TCF20: variants seen among roughly 807,000 people sequenced by gnomAD.
TCF20 encodes SPRE-binding protein.
TCF20 carries 3 observed loss-of-function variants against 148.6 expected under a neutral mutation model. The ratio of observed to expected loss-of-function variants is 0.02; its 90% CI spans 0.01 to 0.05. TCF20 has a LOEUF of 0.05. TCF20 is among the 10% of genes least tolerant of loss of function. The pLI, the probability that TCF20 is intolerant of heterozygous loss-of-function variation, is 1.00. For synonymous variants in TCF20, 1,049 were observed against 909.5 expected (o/e 1.15, Z -2.76); for missense variants, 2,350 against 2,429.3 (o/e 0.97, Z 0.69).
chr22:42,298,523 G>C (rs1927275262), intron 1 of TCF20, among the ~76,000 whole-genome samples: 1 of 152,254 alleles, frequency 6.6e-6, no homozygotes, highest in Non-Finnish European at 1.5e-5. Flanking sequence ...ATCCTGCCCA[G>C]AACCCCGAAG....
At chr22:42,182,622 AT>A in intron 2 of TCF20, among the ~76,000 whole-genome samples, 1 of 152,374 alleles carries the variant, frequency 6.6e-6, no homozygotes, top group African/African-American at 2.4e-5. Context: ...CTCAGGCTGT[AT>A]TAGGGACTTA....
chr22:42,197,693 C>T lies in TCF20; in HGVS notation c.5655+11958G>A, dbSNP rs115095820. On this transcript the variant is annotated intron_variant, in intron 2 of 5. Transcript: ENST00000677622. The stretch of plus-strand genomic sequence containing the variant: ...CACCCCTGAAGAAAGGAGTTCCATA[C>T]ATCTCAATTTTCCAGAGAAGTGATT... Among the ~76,000 whole-genome samples, 644 of 152,296 alleles carry T rather than the reference C, an allele frequency of 4.2e-3. 11 individuals are homozygous for T. The highest frequency in any genetic ancestry group is 0.015 in the African/African-American group (622 of 41,564).
At chr22:42,336,270 C>A (rs73433584) in intron 1 of TCF20, among the ~76,000 whole-genome samples, 1 of 152,048 alleles carries the variant, frequency 6.6e-6, no homozygotes, top group Non-Finnish European at 1.5e-5. Flanking sequence ...TGGCATGGCT[C>A]GGGTAGCTAG....
chr22:42,269,663 T>C (rs1926484950), intron 1 of TCF20: 1 of 152,404 alleles, frequency 6.6e-6, no homozygotes, highest in Non-Finnish European at 1.5e-5. Flanking sequence ...CCCGCCCTGT[T>C]CCCCGCGGCG....
At chr22:42,258,763 C>A (rs1925876324) in intron 1 of TCF20, among the ~76,000 whole-genome samples, 1 of 152,042 alleles carries the variant, frequency 6.6e-6, no homozygotes, top group Admixed American at 6.6e-5. Context: ...CAAGGCTAGG[C>A]TAGGTTATGA....
rs895947922 is a variant in TCF20, at chr22:42,322,423, C to T, written c.-37+21056G>A. 2.6e-5 allele frequency among the ~76,000 whole-genome samples: 4 copies of T among 151,812 alleles called. No homozygotes were observed. The South Asian group carries it at 8.3e-4, about 32-fold the overall frequency. ...GGGGGTCTGCTGGAAGTTGTCAGAG[C>T]CACAGACAGGGCCCTTCCTCGAGAT... On this transcript the variant is annotated intron_variant, in intron 1 of 1. Coordinates refer to the TCF20 transcript ENST00000515426.
chr22:42,189,716 T>TC (rs1195251616), intron 2 of TCF20, among the ~76,000 whole-genome samples: 8 of 152,366 alleles, frequency 5.3e-5, no homozygotes, highest in East Asian at 3.9e-4. Context: ...AAGCTTTTTT[T>TC]CCGTATCATT....
rs558339433 is a variant in TCF20, at chr22:42,195,713, T to G, written c.5655+13938A>C. Among the ~76,000 whole-genome samples, 4 of 152,106 alleles carry G rather than the reference T, an allele frequency of 2.6e-5. No individual in the cohort carries two copies. In the East Asian group the frequency reaches 7.7e-4, roughly 29 times the overall value. The stretch of plus-strand genomic sequence containing the variant: ...TGGGGTTTCCCCACGTTGGCCAGGC[T>G]AGTCTCAAACTCCTGACCTCAGGTG... On this transcript the variant is annotated intron_variant, in intron 2 of 5. Coordinates refer to ENST00000677622, the MANE Select transcript of TCF20 (RefSeq NM_001378418.1).
At chr22:42,245,272 C>T (rs1460848213) in intron 1 of TCF20, among the ~76,000 whole-genome samples, 3 of 151,860 alleles carry the variant, frequency 2.0e-5, no homozygotes, top group African/African-American at 7.3e-5. Flanking sequence ...TTTGTAGAGA[C>T]GAGGTCTCAC....
At chr22:42,234,498 G>A (rs534711041) in intron 1 of TCF20, among the ~76,000 whole-genome samples, 1 of 152,178 alleles carries the variant, frequency 6.6e-6, no homozygotes, top group Admixed American at 6.5e-5. Flanking sequence ...ATGAACACAG[G>A]AGTTAGGAGG....
intron 1 of TCF20, among the ~76,000 whole-genome samples, chr22:42,268,621 A>G (rs1220144120): frequency 2.0e-5 from 3 of 152,282 alleles, no homozygotes; most frequent in African/African-American, 7.2e-5. Context: ...CTGCGTAGAA[A>G]GATCTTGGAA....
chr22:42,267,847 A>G (rs1179363020), intron 1 of TCF20, among the ~76,000 whole-genome samples: 1 of 152,150 alleles, frequency 6.6e-6, no homozygotes, highest in Non-Finnish European at 1.5e-5. Flanking sequence ...AAAGAGACTG[A>G]ATCAAAAAGT....
At chr22:42,270,885 C>T (rs908037759), upstream of TCF20, among the ~76,000 whole-genome samples, 12 of 151,318 alleles carry the variant, frequency 7.9e-5, no homozygotes, top group Non-Finnish European at 1.3e-4. Flanking sequence ...TCCTCTGCGG[C>T]CGCTGGGCGC....
In TCF20 at chr22:42,299,651, G is replaced by GC. The variant is rs1464858143; in HGVS notation, c.-37+43827dup. 6.6e-6 allele frequency among the ~76,000 whole-genome samples: 1 copy of GC among 152,086 alleles called. No individual in the cohort carries two copies. The highest frequency in any genetic ancestry group is 6.6e-5 in the Admixed American group (1 of 15,254). ...CCTCTGTACCTCTCCCCGAACGCAG[G>GC]CCCCCCTGCCCGCACCCCAACACTT... On this transcript the variant is annotated intron_variant, in intron 1 of 1. Transcript: ENST00000515426. This position sits in a 1 kb window ranked among gnomAD's most constrained non-coding sequence, Gnocchi z 4.1.
At chr22:42,310,358 C>A (rs888159665) in intron 1 of TCF20, among the ~76,000 whole-genome samples, 2 of 150,752 alleles carry the variant, frequency 1.3e-5, no homozygotes, top group African/African-American at 2.4e-5. Flanking sequence ...CCTGGGGCTA[C>A]GGAGCCCATG....
chr22:42,226,624 G>C (rs992417752), intron 1 of TCF20, among the ~76,000 whole-genome samples: 2 of 152,190 alleles, frequency 1.3e-5, no homozygotes, highest in African/African-American at 2.4e-5. Flanking sequence ...AGAATCGCTT[G>C]AACACAGGAG....
At chr22:42,252,902 A>AT (rs1254465087) in intron 1 of TCF20, among the ~76,000 whole-genome samples, 19 of 152,238 alleles carry the variant, frequency 1.2e-4, no homozygotes, top group African/African-American at 3.6e-4. Context: ...TTATAGTGAG[A>AT]TTTTTTCAAA....
At position 42,292,647 on chromosome 22, in the gene TCF20, G is replaced by A. The variant is rs1927153232; in HGVS notation, c.-37+50832C>T. Among the ~76,000 whole-genome samples, 1 of 152,024 alleles carries A rather than the reference G, an allele frequency of 6.6e-6. No individual in the cohort carries two copies. Among genetic ancestry groups the A allele is most frequent in the Non-Finnish European group, 1.5e-5 (1 of 68,000 alleles). On this transcript the variant is annotated intron_variant, in intron 1 of 1. Coordinates refer to the TCF20 transcript ENST00000515426. The surrounding 1 kb of genome is among the most constrained non-coding windows in gnomAD (Gnocchi z 4.9). Reference sequence around the variant, plus strand: ...TCCCAGAAGAGGGGGTGTTTAAGCAGGAACTTGGAGGACAAGGAGGCCTGT... The same window carrying A: ...TCCCAGAAGAGGGGGTGTTTAAGCAAGAACTTGGAGGACAAGGAGGCCTGT...
chr22:42,330,631 T>C (rs926410871), intron 1 of TCF20, among the ~76,000 whole-genome samples: 1 of 152,172 alleles, frequency 6.6e-6, no homozygotes, highest in Non-Finnish European at 1.5e-5. Flanking sequence ...AATAAATAAA[T>C]GAGTGGATGA....
Sources: gnomAD v4.1 joint callset for allele counts (sites outside exome capture counted in the v4.1 genomes callset) on GRCh38, gnomAD v4.1.1 for gene constraint, Gnocchi (gnomAD v3.1) non-coding constraint, MANE v1.5 for transcripts, NCBI Gene and HGNC (gene_info 2026-07-23, HGNC 2026-07-21) for gene names.